USP6NL: variants seen among roughly 807,000 people sequenced by gnomAD.
USP6NL encodes the protein USP6 N-terminal-like protein.
A neutral mutation model predicts 61.9 loss-of-function variants in USP6NL; 26 were observed. The ratio of observed to expected loss-of-function variants is 0.42; its 90% CI spans 0.31 to 0.58. The LOEUF (loss-of-function observed/expected upper bound fraction) is 0.58, where lower values mean the gene tolerates loss of function less well. USP6NL is among the 20% of genes least tolerant of loss of function. The pLI is 0.16. For missense variants in USP6NL, 1,114 were observed against 1,034.3 expected, an observed-to-expected ratio of 1.08 and a Z score of -1.06; for synonymous variants, 432 against 390.1, an observed-to-expected ratio of 1.11 and a Z score of -1.27.
At chr10:11,566,619 C>G (rs1566185853) in intron 2 of USP6NL, among the ~76,000 whole-genome samples, 5 of 152,232 alleles carry the variant, frequency 3.3e-5, no homozygotes, top group Admixed American at 2.6e-4. Flanking sequence ...TACAATCTAT[C>G]CAATACTGTC....
At chr10:11,607,350 A>C (rs1838740672) in intron 1 of USP6NL, among the ~76,000 whole-genome samples, 1 of 152,322 alleles carries the variant, frequency 6.6e-6, no homozygotes, top group South Asian at 2.1e-4. Context: ...AGAACAAAAA[A>C]CCTAGAGCCA....
chr10:11,570,640 A>C (rs1837320697), intron 2 of USP6NL, among the ~76,000 whole-genome samples: 2 of 152,356 alleles, frequency 1.3e-5, no homozygotes, highest in South Asian at 4.1e-4. Flanking sequence ...AAAAGTTTTA[A>C]TTCAAATAAA....
chr10:11,527,355 A>G, intron 3 of USP6NL, 145 bp downstream of exon 3: 1 of 661,494 alleles, frequency 1.5e-6, no homozygotes, highest in East Asian at 2.8e-5. Context: ...AAGACAGGAG[A>G]TGAAGTCAGC....
chr10:11,564,626 A>T (rs1837059034), intron 2 of USP6NL: 1 of 152,208 alleles, frequency 6.6e-6, no homozygotes, highest in Non-Finnish European at 1.5e-5. Context: ...TCATATACAC[A>T]TACGCTGTAA....
At chr10:11,558,366 C>G (rs1836797635) in intron 2 of USP6NL, among the ~76,000 whole-genome samples, 1 of 152,230 alleles carries the variant, frequency 6.6e-6, no homozygotes, top group Non-Finnish European at 1.5e-5. Flanking sequence ...TCCAGTTTTT[C>G]TCCTCGTCCT....
chr10:11,506,199 A>G (rs1023010852), intron 6 of USP6NL, among the ~76,000 whole-genome samples: 8 of 152,232 alleles, frequency 5.3e-5, no homozygotes, highest in Admixed American at 5.2e-4. Flanking sequence ...ATGGTCTGAA[A>G]GGTCCATTCA....
Position 11,553,980 on chromosome 10 carries a change from G to A in USP6NL, c.5-26413C>T, listed in dbSNP as rs1272186999. Among the ~76,000 whole-genome samples, 2 of 151,890 alleles carry A rather than the reference G, an allele frequency of 1.3e-5. No homozygotes were observed. The highest frequency in any genetic ancestry group is 1.3e-4 in the Admixed American group (2 of 15,262). Reference sequence around the variant, plus strand: ...ATCTAGATATAAGTCATCCAGGTCTGATATGGGGACTCTAGAGTCTACAAA... The same window carrying A: ...ATCTAGATATAAGTCATCCAGGTCTAATATGGGGACTCTAGAGTCTACAAA... On this transcript the variant is annotated intron_variant, in intron 2 of 14. Transcript: ENST00000609104. This position sits in a 1 kb window ranked among gnomAD's most constrained non-coding sequence, Gnocchi z 4.8.
At chr10:11,560,496 T>C (rs1032351796) in intron 2 of USP6NL, among the ~76,000 whole-genome samples, 1 of 151,868 alleles carries the variant, frequency 6.6e-6, no homozygotes, top group Non-Finnish European at 1.5e-5. Flanking sequence ...TTTTTTTTTC[T>C]TATATAACTC....
intron 2 of USP6NL, among the ~76,000 whole-genome samples, chr10:11,566,179 G>A (rs1469150517): frequency 6.6e-6 from 1 of 152,180 alleles, no homozygotes; most frequent in Non-Finnish European, 1.5e-5. Flanking sequence ...TGAAAGCAGT[G>A]AGCACTCATA....
rs1838325066 is a variant in USP6NL at position 11,596,337 on chromosome 10, C to A, written c.4+1294G>T. 6.6e-6 allele frequency among the ~76,000 whole-genome samples: 1 copy of A among 152,102 alleles called. No homozygotes were observed. The highest frequency in any genetic ancestry group is 2.4e-5 in the African/African-American group (1 of 41,434). On this transcript the variant is annotated intron_variant, in intron 2 of 14. Coordinates refer to ENST00000609104, the MANE Select transcript of USP6NL (RefSeq NM_014688.5). The surrounding 1 kb of genome is among the most constrained non-coding windows in gnomAD (Gnocchi z 4.1). ...GGAGCTGAAATAACAAAAGCTCTTT[C>A]TTGGCCGGGCGCGGTGGCTCACGCC...
rs1183948052 is a variant in USP6NL at position 11,513,424 on chromosome 10, A to T, written c.196-3749T>A. Among the ~76,000 whole-genome samples the T allele has an allele frequency of 6.6e-6, 1 of 152,214 alleles. No individual in the cohort carries two copies. Among genetic ancestry groups the T allele is most frequent in the Non-Finnish European group, 1.5e-5 (1 of 68,042 alleles). ...GATGTTAACAGCCTATATGAAACTG[A>T]TATTAAATAATTCTGTTGGCTTCAT... On this transcript the variant is annotated intron_variant, in intron 5 of 14. Coordinates refer to ENST00000609104, the MANE Select transcript of USP6NL (RefSeq NM_014688.5). The surrounding 1 kb of genome is among the most constrained non-coding windows in gnomAD (Gnocchi z 4.7).
rs935298271 is a variant in USP6NL, at chr10:11,490,820, G to A, written c.543+12C>T. On this transcript the variant is annotated intron_variant, in intron 9 of 14. Transcript: ENST00000609104. The surrounding 1 kb of genome is among the most constrained non-coding windows in gnomAD (Gnocchi z 4.5). ...CAACTCAAAGACCTTGGGCAGGCAG[G>A]CCCCAACTTACCGTGTTATAAATAG... 4 of 1,553,506 alleles carry A rather than the reference G, an allele frequency of 2.6e-6. No individual in the cohort carries two copies. The African/African-American group carries it at 5.5e-5, about 21-fold the overall frequency.
At position 11,490,639 on chromosome 10, in the gene USP6NL, C is replaced by G. The variant is rs1833673151; in HGVS notation, c.543+193G>C. On this transcript the variant is annotated intron_variant, in intron 9 of 14. Coordinates refer to ENST00000609104, the MANE Select transcript of USP6NL (RefSeq NM_014688.5). The surrounding 1 kb of genome is among the most constrained non-coding windows in gnomAD (Gnocchi z 4.5). ...ATACTGTGGTCATATTTAGGTTCTT[C>G]CACTTCAGAATCAGCTCTGTTCTAA... Among the ~76,000 whole-genome samples, 1 of 152,198 alleles carries G rather than the reference C, an allele frequency of 6.6e-6. No individual in the cohort carries two copies. The highest frequency in any genetic ancestry group is 1.5e-5 in the Non-Finnish European group (1 of 68,042).
chr10:11,578,003 G>A (rs756272823), intron 2 of USP6NL, among the ~76,000 whole-genome samples: 4 of 152,012 alleles, frequency 2.6e-5, no homozygotes, highest in Non-Finnish European at 4.4e-5. Context: ...TCACTCTGTC[G>A]TTCAGGCTGG....
At position 11,583,487 on chromosome 10, in the gene USP6NL, G is replaced by A. The variant is rs189034775; in HGVS notation, c.4+14144C>T. On this transcript the variant is annotated intron_variant, in intron 2 of 14. Transcript: ENST00000609104. ...ATTACAGGCGTGAGCCACCGCGCCC[G>A]GCTACTACATTTTCAATTTTTTAAG... Among the ~76,000 whole-genome samples, 18 of 152,020 alleles carry A rather than the reference G, an allele frequency of 1.2e-4. No individual in the cohort carries two copies. In the East Asian group the frequency reaches 2.7e-3, roughly 23 times the overall value.
chr10:11,567,108 T>C (rs1239767976), intron 2 of USP6NL, among the ~76,000 whole-genome samples: 2 of 152,246 alleles, frequency 1.3e-5, no homozygotes, highest in African/African-American at 2.4e-5. Flanking sequence ...AGCCTGACCT[T>C]GTCTCGAAAA....
At chr10:11,590,289 A>G (rs1047620052) in intron 2 of USP6NL, among the ~76,000 whole-genome samples, 6 of 152,218 alleles carry the variant, frequency 3.9e-5, no homozygotes, top group African/African-American at 1.4e-4. Flanking sequence ...AGAAAGACAG[A>G]GGCTTGAAAA....
intron 7 of USP6NL, among the ~76,000 whole-genome samples, chr10:11,498,466 C>T (rs1834041140): frequency 6.6e-6 from 1 of 151,416 alleles, no homozygotes; most frequent in Non-Finnish European, 1.5e-5. Flanking sequence ...TAAATCCTAC[C>T]CCTGCCACTT....
At chr10:11,536,804 AC>A (rs1217860157) in intron 2 of USP6NL, among the ~76,000 whole-genome samples, 1 of 152,242 alleles carries the variant, frequency 6.6e-6, no homozygotes, top group Non-Finnish European at 1.5e-5. Flanking sequence ...AAACTGCACA[AC>A]TTCAAAAACC....
Sources: gnomAD v4.1 joint callset for allele counts (sites outside exome capture counted in the v4.1 genomes callset) on GRCh38, gnomAD v4.1.1 for gene constraint, Gnocchi (gnomAD v3.1) non-coding constraint, MANE v1.5 for transcripts, NCBI Gene and HGNC (gene_info 2026-07-23, HGNC 2026-07-21) for gene names.